Variants in MMD2 observed in about 807,000 individuals in gnomAD.
MMD2 encodes the protein monocyte to macrophage differentiation factor 2.
MMD2 carries 30 observed loss-of-function variants against 33.5 expected under a neutral mutation model. The ratio of observed to expected loss-of-function variants is 0.90; its 90% CI spans 0.67 to 1.22. MMD2 has a LOEUF of 1.22. MMD2 is among the 50% of genes most tolerant of loss of function. The probability of loss-of-function intolerance (pLI) is 0.00; values close to 1 mark genes in which losing one functional copy is unlikely to be tolerated. For synonymous variants in MMD2, 129 were observed against 123.0 expected, an observed-to-expected ratio of 1.05 and a Z score of -0.32; for missense variants, 364 against 325.4, an observed-to-expected ratio of 1.12 and a Z score of -0.91.
At chr7:4,949,531 T>C (rs539279623) in intron 1 of MMD2, among the ~76,000 whole-genome samples, 1 of 151,868 alleles carries the variant, frequency 6.6e-6, no homozygotes, top group East Asian at 1.9e-4. Context: ...TTTTTTTTTT[T>C]AGATGGAGTC....
chr7:4,941,747 T>C (rs886549066), intron 1 of MMD2, among the ~76,000 whole-genome samples: 11 of 151,828 alleles, frequency 7.2e-5, no homozygotes, highest in African/African-American at 2.7e-4. Flanking sequence ...GCAGGTTTGT[T>C]ATGTAGGTAA....
chr7:4,959,078 G>C lies in MMD2; in HGVS notation c.-61C>G, dbSNP rs1050686787. 3.3e-6 allele frequency: 4 copies of C among 1,230,462 alleles called. No homozygotes were observed. Among genetic ancestry groups the C allele is most frequent in the Middle Eastern group, 2.5e-4 (1 of 3,964 alleles). 76.2% of individuals were successfully genotyped at this position (1,230,462 alleles called of 1,614,324 possible). A position where few individuals can be genotyped will look rare whatever the true frequency, so the allele number is the denominator to read the frequency against. On this transcript the variant is annotated 5_prime_UTR_variant, in exon 1 of 7. Transcript: ENST00000401401. ...GAGCGCGGGTAGCTGGCAGAGCCTGGGGGGCGCGGCGGCGGCAGCAGCAGG... is the reference window on the plus strand; with the variant it reads ...GAGCGCGGGTAGCTGGCAGAGCCTGCGGGGCGCGGCGGCGGCAGCAGCAGG...
At chr7:4,915,248 G>A (rs1785110284) in intron 4 of MMD2, among the ~76,000 whole-genome samples, 1 of 151,322 alleles carries the variant, frequency 6.6e-6, no homozygotes, top group African/African-American at 2.4e-5. Flanking sequence ...TCCAGCACAG[G>A]CAACAGATCA....
intron 6 of MMD2, among the ~76,000 whole-genome samples, chr7:4,908,061 C>T (rs1346493451): frequency 2.6e-5 from 4 of 151,718 alleles, no homozygotes; most frequent in Admixed American, 1.3e-4. Flanking sequence ...TCTCCCACCT[C>T]GGCTTCCCAA....
chr7:4,934,497 C>T (rs1033140), intron 1 of MMD2, among the ~76,000 whole-genome samples: 3 of 152,212 alleles, frequency 2.0e-5, no homozygotes, highest in African/African-American at 7.2e-5. Flanking sequence ...CGGTGGGAAA[C>T]TTCTCTCGAA....
the MMD2 span, among the ~76,000 whole-genome samples, chr7:4,899,990 C>G: frequency 3.0e-3 from 454 of 152,290 alleles, no homozygotes; most frequent in Non-Finnish European, 5.1e-3. Context: ...GGTATGTGAG[C>G]AGACAGATCT....
chr7:4,958,015 C>T (rs1786434234), intron 1 of MMD2, among the ~76,000 whole-genome samples: 1 of 152,164 alleles, frequency 6.6e-6, no homozygotes, highest in Admixed American at 6.6e-5. Context: ...TACTGCCAGC[C>T]CATCTCCCAC....
At chr7:4,917,641 G>A (rs183033889) in intron 3 of MMD2, among the ~76,000 whole-genome samples, 135 of 151,368 alleles carry the variant, frequency 8.9e-4, no homozygotes, top group African/African-American at 3.0e-3. Context: ...GCAGTGAGCC[G>A]AGATCATGCC....
At chr7:4,947,504 C>T (rs1786121045) in intron 1 of MMD2, among the ~76,000 whole-genome samples, 1 of 150,840 alleles carries the variant, frequency 6.6e-6, no homozygotes, top group African/African-American at 2.4e-5. Context: ...AGCGATTCTC[C>T]TGCCTCAGCC....
At chr7:4,929,128 T>C (rs1785507144) in intron 1 of MMD2, among the ~76,000 whole-genome samples, 2 of 151,944 alleles carry the variant, frequency 1.3e-5, no homozygotes, top group Non-Finnish European at 2.9e-5. Flanking sequence ...CCTGGGTGAG[T>C]CCAGGGGTCT....
At chr7:4,901,643 C>A (rs1197616727), downstream of MMD2, among the ~76,000 whole-genome samples, 4 of 152,212 alleles carry the variant, frequency 2.6e-5, no homozygotes, top group Non-Finnish European at 4.4e-5. Flanking sequence ...AGACTCTGGA[C>A]TCTTACCTCA....
the MMD2 span, among the ~76,000 whole-genome samples, chr7:4,900,751 A>C: frequency 2.0e-5 from 3 of 151,984 alleles, no homozygotes; most frequent in Non-Finnish European, 4.4e-5. Flanking sequence ...CACCCACCAG[A>C]TCAGCAGCAG....
chr7:4,929,399 C>T (rs909584488), intron 1 of MMD2, among the ~76,000 whole-genome samples: 2 of 152,120 alleles, frequency 1.3e-5, no homozygotes, highest in Admixed American at 6.6e-5. Context: ...CCCTGGGGAC[C>T]CCATTGAAGC....
intron 1 of MMD2, among the ~76,000 whole-genome samples, chr7:4,945,244 C>CTTCTTCTTCTTCTTCTTCT (rs1446491060): frequency 1.3e-4 from 2 of 15,882 alleles, no homozygotes; most frequent in Non-Finnish European, 1.4e-4. Context: ...TTCTTCCTCT[C>CTTCTTCTTCTTCTTCTTCT]TCTCTTTCTT....
chr7:4,938,986 T>C (rs1335101695), intron 1 of MMD2, among the ~76,000 whole-genome samples: 1 of 150,866 alleles, frequency 6.6e-6, no homozygotes, highest in East Asian at 2.0e-4. Flanking sequence ...GGCGGGTGGA[T>C]TACCTGAGGT....
the MMD2 span, among the ~76,000 whole-genome samples, chr7:4,894,861 G>T: frequency 6.6e-6 from 1 of 152,124 alleles, no homozygotes; most frequent in Non-Finnish European, 1.5e-5. The surrounding 1 kb of genome is among the most constrained non-coding windows in gnomAD (Gnocchi z 4.3). Flanking sequence ...CAAGTTGAAG[G>T]GTAGGTGGTG....
At chr7:4,922,469 T>TA (rs200499778) in intron 2 of MMD2, among the ~76,000 whole-genome samples, 23 of 151,250 alleles carry the variant, frequency 1.5e-4, no homozygotes, top group African/African-American at 4.6e-4. Context: ...AGACTCCATT[T>TA]AAAAAAAAAT....
At chr7:4,938,206 T>A (rs2115135140) in intron 1 of MMD2, among the ~76,000 whole-genome samples, 1 of 151,764 alleles carries the variant, frequency 6.6e-6, no homozygotes, top group Admixed American at 6.6e-5. Flanking sequence ...AGACGGGGTT[T>A]TGCCATGTTA....
In MMD2 at chr7:4,906,122, G is replaced by A. The variant is rs1396019758; in HGVS notation, c.*1274C>T. On this transcript the variant is annotated 3_prime_UTR_variant, in exon 7 of 7. Coordinates refer to ENST00000401401, the MANE Select transcript of MMD2 (RefSeq NM_198403.4). ...TGTCTGTGCCCACTCCACCCTGGTTGGGAGTCGCAGAATGAGGACCTCCTG... is the reference window on the plus strand; with the variant it reads ...TGTCTGTGCCCACTCCACCCTGGTTAGGAGTCGCAGAATGAGGACCTCCTG... 1 of 186,936 alleles carries A rather than the reference G, an allele frequency of 5.3e-6. No individual in the cohort carries two copies. The highest frequency in any genetic ancestry group is 1.1e-5 in the Non-Finnish European group (1 of 90,968). 11.6% of individuals were successfully genotyped at this position (186,936 alleles called of 1,614,324 possible). A position where few individuals can be genotyped will look rare whatever the true frequency, so the allele number is the denominator to read the frequency against.
Sources: allele counts gnomAD v4.1 joint callset (sites outside exome capture counted in the v4.1 genomes callset), GRCh38; gene constraint gnomAD v4.1.1; non-coding constraint Gnocchi (gnomAD v3.1); transcripts MANE v1.5; gene names NCBI Gene and HGNC (gene_info 2026-07-23, HGNC 2026-07-21).